The following ADGRB3 variants were observed in gnomAD, a reference collection of about 807,000 sequenced individuals.
The protein encoded by ADGRB3 is adhesion G protein-coupled receptor B3, also known as brain-specific angiogenesis inhibitor 3.
In ADGRB3, 37 loss-of-function variants were observed where a neutral mutation model predicts 193.4. The observed-to-expected ratio is 0.19, with a 90% CI of 0.15 to 0.25. ADGRB3 has a LOEUF of 0.25. ADGRB3 is among the 10% of genes least tolerant of loss of function. ADGRB3 has a pLI of 1.00. For missense variants in ADGRB3, 1,637 were observed against 1,852.9 expected (o/e 0.88, Z 2.14); for synonymous variants, 690 against 644.2 (o/e 1.07, Z -1.08).
chr6:68,716,815 T>C (rs1765496992), intron 3 of ADGRB3, among the ~76,000 whole-genome samples: 1 of 151,718 alleles, frequency 6.6e-6, no homozygotes, highest in Non-Finnish European at 1.5e-5. Flanking sequence ...GTGGAGAGTC[T>C]GCATCCAGGC....
chr6:68,790,308 A>G (rs943279296), intron 3 of ADGRB3, among the ~76,000 whole-genome samples: 8 of 152,160 alleles, frequency 5.3e-5, no homozygotes, highest in Non-Finnish European at 1.0e-4. Context: ...TTAGGTAAAC[A>G]AAGTGGCCTA....
rs190037341 is a variant in ADGRB3 at position 68,817,236 on chromosome 6, A to G, written c.758-113323A>G. 4.8e-5 allele frequency among the ~76,000 whole-genome samples: 7 copies of G among 146,060 alleles called. No individual in the cohort carries two copies. The East Asian group carries it at 1.0e-3, about 22-fold the overall frequency. ...ATCCTGCTTGACATAAATACCAATA[A>G]TCAAGGGCCTGTTTTATCAATTCTG... On this transcript the variant is annotated intron_variant, in intron 3 of 31. Transcript: ENST00000370598.
intron 3 of ADGRB3, among the ~76,000 whole-genome samples, chr6:68,782,817 GTTGT>G (rs1209546627): frequency 6.6e-6 from 1 of 151,284 alleles, no homozygotes; most frequent in African/African-American, 2.4e-5. Context: ...TTTTGATGGG[GTTGT>G]TTGTTTTTTT....
At position 69,141,898 on chromosome 6, in the gene ADGRB3, G is replaced by A. The variant is rs190775156; in HGVS notation, c.2480+65860G>A. Among the ~76,000 whole-genome samples the A allele has an allele frequency of 1.6e-3, 249 of 152,342 alleles. 3 individuals are homozygous for A. The highest frequency in any genetic ancestry group is 5.8e-3 in the African/African-American group (240 of 41,582). ...TTTGCCTATATGAAGCTAGTAAGAA[G>A]CAGGGTTGGGACTAGAAGCTAAATC... On this transcript the variant is annotated intron_variant, in intron 17 of 31. Transcript: ENST00000370598.
intron 11 of ADGRB3, among the ~76,000 whole-genome samples, chr6:68,998,247 G>A (rs1490087552): frequency 1.3e-5 from 2 of 152,126 alleles, no homozygotes; most frequent in African/African-American, 4.8e-5. Flanking sequence ...TGCAGTTTAA[G>A]TTCTTGGAGT....
chr6:69,045,845 G>A (rs908662071), intron 13 of ADGRB3, among the ~76,000 whole-genome samples: 21 of 152,000 alleles, frequency 1.4e-4, no homozygotes, highest in Admixed American at 1.2e-3. Flanking sequence ...TGCAATTTAA[G>A]GGACTTATTG....
intron 3 of ADGRB3, among the ~76,000 whole-genome samples, chr6:68,930,115 A>G (rs1255983480): frequency 6.6e-6 from 1 of 151,910 alleles, no homozygotes; most frequent in Non-Finnish European, 1.5e-5. Flanking sequence ...ACCTTAGAAA[A>G]TATAAGTTAC....
intron 11 of ADGRB3, among the ~76,000 whole-genome samples, chr6:69,004,839 G>A (rs906038740): frequency 2.6e-5 from 4 of 152,110 alleles, no homozygotes; most frequent in Admixed American, 6.6e-5. Context: ...CCTATAACAA[G>A]GAATCTTGAA....
intron 3 of ADGRB3, among the ~76,000 whole-genome samples, chr6:68,907,370 T>C (rs556633616): frequency 2.6e-5 from 4 of 152,082 alleles, no homozygotes; most frequent in South Asian, 4.1e-4. Context: ...CATTGTTTGT[T>C]GTATAAATTC....
intron 17 of ADGRB3, among the ~76,000 whole-genome samples, chr6:69,209,839 G>A (rs2127237892): frequency 6.6e-6 from 1 of 152,228 alleles, no homozygotes; most frequent in East Asian, 1.9e-4. Flanking sequence ...CGACACGAGG[G>A]ATGAATCAGG....
intron 22 of ADGRB3, among the ~76,000 whole-genome samples, chr6:69,328,582 A>G: frequency 6.6e-6 from 1 of 152,236 alleles, no homozygotes. Flanking sequence ...TTAAAAGCAT[A>G]TGTTTTAAAG....
At chr6:68,963,089 C>T (rs1354976990) in intron 8 of ADGRB3, among the ~76,000 whole-genome samples, 1 of 152,126 alleles carries the variant, frequency 6.6e-6, no homozygotes, top group African/African-American at 2.4e-5. Context: ...AGATGGAGTC[C>T]ATCATGGTAT....
intron 3 of ADGRB3, among the ~76,000 whole-genome samples, chr6:68,661,551 A>ATATATATATG: frequency 2.8e-5 from 1 of 35,418 alleles, no homozygotes; most frequent in East Asian, 6.1e-4. Flanking sequence ...ATATATATAT[A>ATATATATATG]TATATATATA....
At chr6:69,308,793 G>A (rs976963042) in intron 20 of ADGRB3, among the ~76,000 whole-genome samples, 1 of 151,456 alleles carries the variant, frequency 6.6e-6, no homozygotes, top group African/African-American at 2.4e-5. Context: ...GATTCAAGAT[G>A]GCTGCTCCTG....
At chr6:69,148,196 C>A (rs1257077704) in intron 17 of ADGRB3, among the ~76,000 whole-genome samples, 2 of 151,852 alleles carry the variant, frequency 1.3e-5, no homozygotes, top group Admixed American at 6.6e-5. Context: ...GTTTTGTGGT[C>A]CTCTCTTCCT....
intron 10 of ADGRB3, 123 bp from the exon 11 acceptor site, chr6:68,993,645 C>T (rs1769300671): frequency 5.0e-6 from 5 of 994,198 alleles, no homozygotes; most frequent in Non-Finnish European, 4.5e-6. Context: ...TTCAAATCCT[C>T]CCAAGCATTG....
intron 24 of ADGRB3, among the ~76,000 whole-genome samples, chr6:69,333,210 C>A (rs577132301): frequency 5.9e-5 from 9 of 152,262 alleles, no homozygotes; most frequent in African/African-American, 2.2e-4. Flanking sequence ...CTATAACAGA[C>A]CATGAAGAAA....
chr6:69,131,498 G>T (rs1774007868), intron 17 of ADGRB3, among the ~76,000 whole-genome samples: 1 of 151,922 alleles, frequency 6.6e-6, no homozygotes, highest in Non-Finnish European at 1.5e-5. Context: ...GGTTTTAATT[G>T]CATCGAAAAT....
chr6:69,092,332 A>G (rs1772733534), intron 17 of ADGRB3, among the ~76,000 whole-genome samples: 1 of 152,138 alleles, frequency 6.6e-6, no homozygotes, highest in Non-Finnish European at 1.5e-5. Context: ...AACTGACCCC[A>G]TATTCTTATT....
Sources: gnomAD v4.1 joint callset for allele counts (sites outside exome capture counted in the v4.1 genomes callset) on GRCh38, gnomAD v4.1.1 for gene constraint, MANE v1.5 for transcripts, NCBI Gene and HGNC (gene_info 2026-07-23, HGNC 2026-07-21) for gene names.